The following KYNU variants were observed in gnomAD, a reference collection of about 807,000 sequenced individuals.
KYNU encodes kynureninase.
Under a neutral mutation model 59.2 loss-of-function variants are expected in KYNU, and 54 were observed. The observed-to-expected ratio is 0.91, with a 90% CI of 0.73 to 1.14. The LOEUF is 1.14. Among genes scored for constraint, KYNU ranks in the 50% most tolerant of loss-of-function variants. The pLI, the probability that KYNU is intolerant of heterozygous loss-of-function variation, is 0.00. For missense variants in KYNU, 567 were observed against 554.4 expected, an observed-to-expected ratio of 1.02 and a Z score of -0.23; for synonymous variants, 177 against 192.0, an observed-to-expected ratio of 0.92 and a Z score of 0.65.
At chr2:143,017,164 C>T (rs1431220263) in intron 10 of KYNU, among the ~76,000 whole-genome samples, 6 of 150,206 alleles carry the variant, frequency 4.0e-5, no homozygotes, top group South Asian at 4.3e-4. Context: ...ATGGGCACCT[C>T]GGCTGATTCC....
chr2:142,961,667 A>G (rs1370402486), intron 8 of KYNU, among the ~76,000 whole-genome samples: 1 of 151,928 alleles, frequency 6.6e-6, no homozygotes, highest in African/African-American at 2.4e-5. Context: ...TTTCCTACCC[A>G]CTACTAAATC....
rs1687195310 is a variant in KYNU, at chr2:143,047,974, A to G, written c.*5802A>G. Reference sequence around the variant, plus strand: ...ATTTTCATGCCTCAGCCTCCCAAGTAGCTGGGATTACAGGCATGGGCCACT... The same window carrying G: ...ATTTTCATGCCTCAGCCTCCCAAGTGGCTGGGATTACAGGCATGGGCCACT... On this transcript the variant is annotated 3_prime_UTR_variant, in exon 14 of 14. Transcript: ENST00000264170. 1 of 145,908 alleles carries G rather than the reference A, an allele frequency of 6.9e-6. No individual in the cohort carries two copies. The highest frequency in any genetic ancestry group is 1.5e-5 in the Non-Finnish European group (1 of 67,316). 9.0% of individuals were successfully genotyped at this position (145,908 alleles called of 1,614,324 possible). A position where few individuals can be genotyped will look rare whatever the true frequency, so the allele number is the denominator to read the frequency against.
intron 2 of KYNU, among the ~76,000 whole-genome samples, chr2:142,900,076 C>G (rs1417506260): frequency 6.6e-6 from 1 of 152,148 alleles, no homozygotes; most frequent in African/African-American, 2.4e-5. Context: ...TGTTATAGCT[C>G]TATTAGAAGC....
intron 10 of KYNU, among the ~76,000 whole-genome samples, chr2:143,029,014 C>T (rs558212054): frequency 1.3e-5 from 2 of 151,980 alleles, no homozygotes; most frequent in Non-Finnish European, 2.9e-5. Flanking sequence ...CCTTTTTGAG[C>T]TTTTAGCTTA....
At chr2:142,901,976 G>A (rs1045782322) in intron 2 of KYNU, among the ~76,000 whole-genome samples, 8 of 152,258 alleles carry the variant, frequency 5.3e-5, no homozygotes, top group Admixed American at 3.3e-4. Context: ...GAAATGTGGC[G>A]GGGTTAAGAG....
chr2:142,880,267 T>C (rs1024833270), intron 1 of KYNU, among the ~76,000 whole-genome samples: 3 of 152,170 alleles, frequency 2.0e-5, no homozygotes, highest in Non-Finnish European at 4.4e-5. Flanking sequence ...AAGACTAATC[T>C]GATAGTAAGG....
At chr2:143,034,916 G>A (rs916273280) in intron 12 of KYNU, among the ~76,000 whole-genome samples, 1 of 151,984 alleles carries the variant, frequency 6.6e-6, no homozygotes, top group Admixed American at 6.6e-5. Flanking sequence ...CTTCTCAGAC[G>A]TACCTGGAAA....
intron 10 of KYNU, among the ~76,000 whole-genome samples, chr2:143,027,045 G>A (rs1686597212): frequency 6.6e-6 from 1 of 152,190 alleles, no homozygotes; most frequent in Non-Finnish European, 1.5e-5. Flanking sequence ...AGGGATAGAA[G>A]TTCTCACTTT....
At chr2:142,952,876 T>C (rs2105078975) in intron 4 of KYNU, among the ~76,000 whole-genome samples, 1 of 152,330 alleles carries the variant, frequency 6.6e-6, no homozygotes, top group South Asian at 2.1e-4. Context: ...ACTAATTCTG[T>C]ATTTTTCTTC....
At chr2:142,915,996 C>T (rs568782322) in intron 2 of KYNU, among the ~76,000 whole-genome samples, 1 of 152,120 alleles carries the variant, frequency 6.6e-6, no homozygotes, top group South Asian at 2.1e-4. Flanking sequence ...GCCAAACACA[C>T]AAGAGATGGC....
intron 3 of KYNU, among the ~76,000 whole-genome samples, chr2:142,921,126 G>C (rs925682788): frequency 6.6e-6 from 1 of 152,170 alleles, no homozygotes; most frequent in Non-Finnish European, 1.5e-5. Flanking sequence ...GTAGTTTGAT[G>C]AACAGCCATG....
At chr2:142,953,801 C>T (rs1055157850) in intron 4 of KYNU, among the ~76,000 whole-genome samples, 23 of 152,136 alleles carry the variant, frequency 1.5e-4, no homozygotes, top group Non-Finnish European at 7.4e-5. Flanking sequence ...AGATACAGGT[C>T]CTTCCTTAAA....
chr2:143,015,399 A>T (rs1686218923), intron 10 of KYNU, among the ~76,000 whole-genome samples: 1 of 152,148 alleles, frequency 6.6e-6, no homozygotes, highest in African/African-American at 2.4e-5. Context: ...GACCAGGGGC[A>T]TCATGCAAAA....
chr2:142,995,457 A>G (rs1044607424), intron 10 of KYNU, among the ~76,000 whole-genome samples: 1 of 152,144 alleles, frequency 6.6e-6, no homozygotes, highest in Non-Finnish European at 1.5e-5. Context: ...ATTTTATGAT[A>G]CATCCTAAAA....
chr2:142,880,374 A>G (rs1681252562), intron 1 of KYNU, among the ~76,000 whole-genome samples: 1 of 152,214 alleles, frequency 6.6e-6, no homozygotes, highest in South Asian at 2.1e-4. Context: ...AGTGACTTGC[A>G]AGATGGGCTT....
chr2:143,025,059 T>C (rs918592918), intron 10 of KYNU, among the ~76,000 whole-genome samples: 1 of 152,128 alleles, frequency 6.6e-6, no homozygotes, highest in African/African-American at 2.4e-5. Context: ...GTTTTTCTTT[T>C]CTAGTTCTTT....
chr2:142,887,334 C>T (rs1411340068), intron 2 of KYNU, among the ~76,000 whole-genome samples: 1 of 152,138 alleles, frequency 6.6e-6, no homozygotes, highest in Non-Finnish European at 1.5e-5. Flanking sequence ...GATTACAGCC[C>T]TTGTGCACTC....
At chr2:143,040,788 T>C in intron 13 of KYNU, 130 bp downstream of exon 13, 1 of 638,524 alleles carries the variant, frequency 1.6e-6, no homozygotes, top group Non-Finnish European at 2.7e-6. Context: ...ATAAATTAAG[T>C]GCCAACTAAG....
At chr2:143,038,030 T>C (rs982388977) in intron 12 of KYNU, among the ~76,000 whole-genome samples, 4 of 152,108 alleles carry the variant, frequency 2.6e-5, no homozygotes, top group South Asian at 2.1e-4. Flanking sequence ...ACCAAAAAAA[T>C]TGGTTTCTAG....
Sources: gnomAD v4.1 joint callset for allele counts (sites outside exome capture counted in the v4.1 genomes callset) on GRCh38, gnomAD v4.1.1 for gene constraint, MANE v1.5 for transcripts, NCBI Gene and HGNC (gene_info 2026-07-23, HGNC 2026-07-21) for gene names.